Variants in GUCY1A2 observed in about 807,000 individuals in gnomAD.
GUCY1A2 encodes guanylate cyclase soluble subunit alpha-2.
In GUCY1A2, 27 loss-of-function variants were observed where a neutral mutation model predicts 63.5. The observed-to-expected ratio is 0.43, with a 90% CI of 0.31 to 0.59. The LOEUF is 0.59. Ranked by LOEUF, GUCY1A2 falls within the 20% of genes least tolerant of loss-of-function variation. GUCY1A2 has a pLI of 0.11. For missense variants in GUCY1A2, 768 were observed against 913.3 expected, an observed-to-expected ratio of 0.84 and a Z score of 2.05; for synonymous variants, 364 against 343.5, an observed-to-expected ratio of 1.06 and a Z score of -0.66.
chr11:106,738,315 C>T (rs147608241), intron 6 of GUCY1A2, among the ~76,000 whole-genome samples: 2,760 of 152,234 alleles, frequency 0.018, 43 homozygotes, highest in Non-Finnish European at 0.029. Context: ...GGATAGATTG[C>T]AAAAACTTTC....
chr11:106,846,996 A>G (rs555820710), intron 4 of GUCY1A2, among the ~76,000 whole-genome samples: 1 of 151,484 alleles, frequency 6.6e-6, no homozygotes, highest in African/African-American at 2.4e-5. Flanking sequence ...AGGATTAGAT[A>G]TAAGAAAATA....
intron 4 of GUCY1A2, among the ~76,000 whole-genome samples, chr11:106,859,120 T>A (rs1197646736): frequency 6.6e-6 from 1 of 152,038 alleles, no homozygotes; most frequent in African/African-American, 2.4e-5. Flanking sequence ...TATGTAAAAT[T>A]AATGAATTCA....
At chr11:106,722,967 G>T (rs1012486657) in intron 6 of GUCY1A2, among the ~76,000 whole-genome samples, 59 of 152,078 alleles carry the variant, frequency 3.9e-4, no homozygotes, top group African/African-American at 1.4e-3. Flanking sequence ...ATCTTCAATA[G>T]CAAATGAATT....
At chr11:106,699,483 C>A (rs1383578465) in intron 7 of GUCY1A2, among the ~76,000 whole-genome samples, 1 of 152,114 alleles carries the variant, frequency 6.6e-6, no homozygotes, top group Non-Finnish European at 1.5e-5. Context: ...ATTTATACTT[C>A]AAGGAAATTC....
chr11:106,807,832 C>G (rs1213118397), intron 5 of GUCY1A2, among the ~76,000 whole-genome samples: 1 of 152,170 alleles, frequency 6.6e-6, no homozygotes, highest in Non-Finnish European at 1.5e-5. Context: ...TGGCCTTCAT[C>G]TTTCTTTTGT....
rs1326966855 is a variant in GUCY1A2 at position 106,679,278 on chromosome 11, TAG to T, written c.*8269_*8270del. On this transcript the variant is annotated 3_prime_UTR_variant, in exon 8 of 8. Coordinates refer to ENST00000526355, the MANE Select transcript of GUCY1A2 (RefSeq NM_000855.3). The stretch of plus-strand genomic sequence containing the variant: ...CTAACCACTTTTAAGTTTAGAAGAC[TAG>T]AGTCTTCGTGTCTCACAGAATACCA... 1.6e-5 allele frequency: 3 copies of T among 188,982 alleles called. No homozygotes were observed. Among genetic ancestry groups the T allele is most frequent in the Non-Finnish European group, 3.3e-5 (3 of 89,946 alleles). 11.7% of individuals were successfully genotyped at this position (188,982 alleles called of 1,614,324 possible). A position where few individuals can be genotyped will look rare whatever the true frequency, so the allele number is the denominator to read the frequency against.
At chr11:106,886,134 GATA>G (rs1165869855) in intron 4 of GUCY1A2, among the ~76,000 whole-genome samples, 3 of 152,146 alleles carry the variant, frequency 2.0e-5, no homozygotes, top group Non-Finnish European at 4.4e-5. Context: ...ATCCAGAAAG[GATA>G]ATATTTTATA....
chr11:106,814,877 T>C (rs1412824998), intron 4 of GUCY1A2, among the ~76,000 whole-genome samples: 2 of 151,900 alleles, frequency 1.3e-5, no homozygotes, highest in Non-Finnish European at 2.9e-5. Flanking sequence ...AAAAATATAA[T>C]AGAAAGTCAA....
At chr11:106,739,262 A>T (rs1167129625) in intron 6 of GUCY1A2, among the ~76,000 whole-genome samples, 4 of 152,168 alleles carry the variant, frequency 2.6e-5, no homozygotes, top group African/African-American at 9.7e-5. Context: ...GATGTTGCTG[A>T]AGTTGCTTTT....
At chr11:106,878,833 T>C (rs192917802) in intron 4 of GUCY1A2, among the ~76,000 whole-genome samples, 2 of 152,032 alleles carry the variant, frequency 1.3e-5, no homozygotes, top group East Asian at 1.9e-4. Context: ...AAATGGATTT[T>C]TCCCTGGAGC....
At chr11:106,780,095 A>C (rs926057630) in intron 5 of GUCY1A2, among the ~76,000 whole-genome samples, 2 of 152,140 alleles carry the variant, frequency 1.3e-5, no homozygotes, top group Admixed American at 6.5e-5. Flanking sequence ...CAGGAGATCA[A>C]GGCTGCAGTG....
rs1245376697 is a variant in GUCY1A2, at chr11:106,993,850, C to G, written c.304-7719G>C. Reference sequence around the variant, plus strand: ...ACCACACTTTTTAGAAGGATAGCAGCTTTATAGGAAGGTAGGAATACCATT... The same window carrying G: ...ACCACACTTTTTAGAAGGATAGCAGGTTTATAGGAAGGTAGGAATACCATT... On this transcript the variant is annotated intron_variant, in intron 1 of 7. Coordinates refer to ENST00000526355, the MANE Select transcript of GUCY1A2 (RefSeq NM_000855.3). Among the ~76,000 whole-genome samples, 4 of 152,106 alleles carry G rather than the reference C, an allele frequency of 2.6e-5. No homozygotes were observed. In the East Asian group the frequency reaches 7.7e-4, roughly 29 times the overall value.
intron 4 of GUCY1A2, chr11:106,824,027 C>T: frequency 2.2e-6 from 3 of 1,357,648 alleles, no homozygotes; most frequent in Admixed American, 2.5e-5. Context: ...CCTTCAAAAG[C>T]TTTCTTATTG....
intron 4 of GUCY1A2, chr11:106,827,792 AAAGTG>A (rs1272820875): frequency 2.6e-6 from 4 of 1,566,396 alleles, no homozygotes; most frequent in Non-Finnish European, 3.5e-6. Flanking sequence ...CTTCTGATGG[AAAGTG>A]AGTAGCCAAC....
intron 4 of GUCY1A2, among the ~76,000 whole-genome samples, chr11:106,918,572 TACAC>T (rs919108915): frequency 6.9e-6 from 1 of 145,052 alleles, no homozygotes; most frequent in Admixed American, 6.9e-5. Context: ...ACATAGACAT[TACAC>T]ACACAGAGAC....
rs1316274052 is a variant in GUCY1A2 at position 106,875,251 on chromosome 11, G to C, written c.1206+64209C>G. On this transcript the variant is annotated intron_variant, in intron 4 of 7. Transcript: ENST00000526355. Reference sequence around the variant, plus strand: ...CTCCTTCTGCCAAGATACAAAGTCAGGCAGCTGAAGGGGAAAACTCAACAC... The same window carrying C: ...CTCCTTCTGCCAAGATACAAAGTCACGCAGCTGAAGGGGAAAACTCAACAC... 4.6e-5 allele frequency among the ~76,000 whole-genome samples: 7 copies of C among 152,140 alleles called. No homozygotes were observed. In the East Asian group the frequency reaches 1.4e-3, roughly 29 times the overall value.
intron 3 of GUCY1A2, among the ~76,000 whole-genome samples, chr11:106,971,699 A>C (rs1861196713): frequency 6.6e-6 from 1 of 152,118 alleles, no homozygotes; most frequent in Admixed American, 6.5e-5. Context: ...GGGCATATAT[A>C]TATGAGTTAG....
In GUCY1A2 at chr11:106,680,345, T is replaced by G. The variant is rs1333844331; in HGVS notation, c.*7204A>C. The G allele has an allele frequency of 4.8e-6, 1 of 210,306 alleles. No homozygotes were observed. The allele number at this position is 210,306 out of a possible 1,614,324, so 13.0% of individuals were successfully genotyped here. A position where few individuals can be genotyped will look rare whatever the true frequency, so the allele number is the denominator to read the frequency against. Reference sequence around the variant, plus strand: ...AAATATATTAAGTAGAATTCCTTCTTTATCTGCAAATAGCAAAAAGTCCAC... The same window carrying G: ...AAATATATTAAGTAGAATTCCTTCTGTATCTGCAAATAGCAAAAAGTCCAC... On this transcript the variant is annotated 3_prime_UTR_variant, in exon 8 of 8. Coordinates refer to ENST00000526355, the MANE Select transcript of GUCY1A2 (RefSeq NM_000855.3).
intron 6 of GUCY1A2, among the ~76,000 whole-genome samples, chr11:106,728,217 T>C (rs1232182795): frequency 6.6e-6 from 1 of 152,182 alleles, no homozygotes. Flanking sequence ...TACCTAACAA[T>C]TTCCTATTCG....
Sources: allele counts gnomAD v4.1 joint callset (sites outside exome capture counted in the v4.1 genomes callset), GRCh38; gene constraint gnomAD v4.1.1; transcripts MANE v1.5; gene names NCBI Gene and HGNC (gene_info 2026-07-23, HGNC 2026-07-21).